SEZ6L: variants seen among roughly 807,000 people sequenced by gnomAD.
SEZ6L encodes seizure related 6 homolog like.
In SEZ6L, 37 loss-of-function variants were observed where a neutral mutation model predicts 106.2. That is an observed-to-expected ratio of 0.35 (90% CI 0.27 to 0.46). The LOEUF (loss-of-function observed/expected upper bound fraction) is 0.46, where lower values mean the gene tolerates loss of function less well. Among genes scored for constraint, SEZ6L ranks in the 20% least tolerant of loss-of-function variants. The pLI, the probability that SEZ6L is intolerant of heterozygous loss-of-function variation, is 1.00. For missense variants in SEZ6L, 1,172 were observed against 1,332.8 expected (o/e 0.88, Z 1.88); for synonymous variants, 541 against 570.4 (o/e 0.95, Z 0.73).
In SEZ6L at chr22:26,292,682, A is replaced by G; in HGVS notation, c.371A>G (p.Gln124Arg). 6.2e-7 allele frequency: 1 copy of G among 1,613,578 alleles called. No homozygotes were observed. Among genetic ancestry groups the G allele is most frequent in the East Asian group, 2.2e-5 (1 of 44,856 alleles). The part of the protein sequence containing the change: ...PPKKKLPSLK[Q>R]VNSARKQLRP... ...AAGAAGAAACTGCCTTCGCTCAAGC[A>G]GGTGAACTCTGCCAGGAAGCAGCTG... is the stretch of plus-strand genomic sequence containing the variant. The change falls in exon 2 of 17, where the codon CAG becomes CGG. Residue 124 changes from glutamine (Q) to arginine (R), a missense_variant. By Grantham distance (43) the Gln-to-Arg change is conservative (BLOSUM62 1). Transcript: ENST00000248933.
intron 5 of SEZ6L, among the ~76,000 whole-genome samples, chr22:26,303,302 T>C (rs1416634369): frequency 1.3e-5 from 2 of 152,242 alleles, no homozygotes; most frequent in Non-Finnish European, 2.9e-5. Context: ...TTATCCACCG[T>C]TCTCTGCTAC....
intron 9 of SEZ6L, among the ~76,000 whole-genome samples, chr22:26,326,801 A>G (rs1054033871): frequency 6.6e-6 from 1 of 152,220 alleles, no homozygotes; most frequent in African/African-American, 2.4e-5. Flanking sequence ...GCAGGAAGCC[A>G]GGCAGGAGGC....
chr22:26,323,015 A>G (rs2082199838), intron 9 of SEZ6L, among the ~76,000 whole-genome samples: 1 of 152,240 alleles, frequency 6.6e-6, no homozygotes, highest in African/African-American at 2.4e-5. Context: ...GCATCGTAGA[A>G]TAGAAGATCC....
At chr22:26,276,146 G>T (rs1238378792) in intron 1 of SEZ6L, among the ~76,000 whole-genome samples, 1 of 152,222 alleles carries the variant, frequency 6.6e-6, no homozygotes, top group Admixed American at 6.5e-5. Context: ...AGAGAGTACA[G>T]TTCCCGCCTC....
chr22:26,266,655 C>T (rs2080201823), intron 1 of SEZ6L, among the ~76,000 whole-genome samples: 1 of 151,726 alleles, frequency 6.6e-6, no homozygotes, highest in Admixed American at 6.6e-5. Flanking sequence ...AACCAAGGCC[C>T]CAGTAAGTGT....
intron 1 of SEZ6L, among the ~76,000 whole-genome samples, chr22:26,247,355 A>G (rs927604349): frequency 1.3e-4 from 20 of 152,202 alleles, no homozygotes; most frequent in Admixed American, 1.3e-3. Flanking sequence ...ATGTCTGCCG[A>G]AAAGCTCAGG....
chr22:26,313,254 C>G (rs1202156455), intron 8 of SEZ6L, among the ~76,000 whole-genome samples: 1 of 152,160 alleles, frequency 6.6e-6, no homozygotes, highest in African/African-American at 2.4e-5. Context: ...TGAGCTTAAG[C>G]CTCAAAATAA....
chr22:26,355,630 C>T (rs560092741), intron 12 of SEZ6L, among the ~76,000 whole-genome samples: 25 of 152,196 alleles, frequency 1.6e-4, no homozygotes, highest in East Asian at 3.9e-4. Flanking sequence ...CTCAGGAGGC[C>T]GAGGCAGGAA....
intron 1 of SEZ6L, among the ~76,000 whole-genome samples, chr22:26,227,294 A>G (rs1192056096): frequency 3.4e-5 from 5 of 145,366 alleles, no homozygotes; most frequent in African/African-American, 1.2e-4. Context: ...AAACTGGATG[A>G]TAACATCCCA....
In SEZ6L at chr22:26,299,069, C is replaced by T. The variant is rs757853966; in HGVS notation, c.1248C>T (p.His416=). 18 of 1,608,640 alleles carry T rather than the reference C, an allele frequency of 1.1e-5. 1 individual carries two copies. The South Asian group carries it at 2.0e-4, about 18-fold the overall frequency. ...VMDLHSGGVA[H]FHCHLGYELQ... is the part of the protein sequence containing the mutation. ...ACCTGCACTCAGGTGGGGTGGCCCA[C>T]TTTCACTGCCACCTGGGCTATGAGC... Residue 416 remains histidine (H), a synonymous_variant, in exon 5 of 17, where the codon CAC becomes CAT. Coordinates refer to ENST00000248933, the MANE Select transcript of SEZ6L (RefSeq NM_021115.5).
chr22:26,376,979 C>A (rs936066595), intron 15 of SEZ6L, among the ~76,000 whole-genome samples: 1 of 151,672 alleles, frequency 6.6e-6, no homozygotes, highest in Non-Finnish European at 1.5e-5. Context: ...GAGAAATCAC[C>A]TTTAAATAGA....
intron 1 of SEZ6L, among the ~76,000 whole-genome samples, chr22:26,190,285 A>C (rs946901815): frequency 6.6e-6 from 1 of 152,192 alleles, no homozygotes; most frequent in Non-Finnish European, 1.5e-5. Context: ...GTAAAGTTAC[A>C]TGAGGTTATT....
intron 1 of SEZ6L, among the ~76,000 whole-genome samples, chr22:26,271,876 G>A (rs1038405794): frequency 1.6e-4 from 24 of 152,158 alleles, no homozygotes; most frequent in African/African-American, 5.6e-4. Context: ...TGTACTATTC[G>A]TAATAATAAC....
rs2146022584 is a variant in SEZ6L, at chr22:26,351,259, T to C, written c.2599+16T>C. ...CACTGCGTTTGTGAGTCCTGTTTAA[T>C]GAATTGGGCCCCCAGTAGGTAGAAG... On this transcript the variant is annotated intron_variant, in intron 12 of 16. Coordinates refer to ENST00000248933, the MANE Select transcript of SEZ6L (RefSeq NM_021115.5). The C allele has an allele frequency of 6.2e-7, 1 of 1,610,724 alleles. No individual in the cohort carries two copies. The highest frequency in any genetic ancestry group is 8.5e-7 in the Non-Finnish European group (1 of 1,177,690).
chr22:26,321,607 A>C (rs562965825), intron 9 of SEZ6L, among the ~76,000 whole-genome samples: 7 of 152,322 alleles, frequency 4.6e-5, no homozygotes, highest in African/African-American at 1.7e-4. Context: ...GCATCTCAAC[A>C]GCCAGGGTTA....
intron 10 of SEZ6L, among the ~76,000 whole-genome samples, chr22:26,341,312 C>G (rs75151479): frequency 0.042 from 6,332 of 152,126 alleles, 424 homozygotes; most frequent in African/African-American, 0.14. Flanking sequence ...TAAGCTCACA[C>G]ACTCCTATGA....
At chr22:26,195,394 C>A (rs1940508964) in intron 1 of SEZ6L, among the ~76,000 whole-genome samples, 1 of 152,112 alleles carries the variant, frequency 6.6e-6, no homozygotes, top group Admixed American at 6.5e-5. Flanking sequence ...TTGGTCTTAC[C>A]AGCACCTGTC....
intron 1 of SEZ6L, among the ~76,000 whole-genome samples, chr22:26,280,542 G>A (rs1189215062): frequency 6.6e-6 from 1 of 152,130 alleles, no homozygotes; most frequent in African/African-American, 2.4e-5. Flanking sequence ...TTAGAAGGAA[G>A]AAGACTTCTT....
rs2082270635 is a variant in SEZ6L at position 26,325,183 on chromosome 22, A to G, written c.2015+11281A>G. ...TCTTGAGCCCACACTAGGAAGTGGC[A>G]CAGCCGCACGTCTGCCATATCCTAT... On this transcript the variant is annotated intron_variant, in intron 9 of 16. Coordinates refer to ENST00000248933, the MANE Select transcript of SEZ6L (RefSeq NM_021115.5). Among the ~76,000 whole-genome samples, 3 of 152,236 alleles carry G rather than the reference A, an allele frequency of 2.0e-5. No homozygotes were observed. The South Asian group carries it at 6.2e-4, about 32-fold the overall frequency.
Sources: gnomAD v4.1 joint callset for allele counts (sites outside exome capture counted in the v4.1 genomes callset) on GRCh38, gnomAD v4.1.1 for gene constraint, MANE v1.5 for transcripts, NCBI Gene and HGNC (gene_info 2026-07-23, HGNC 2026-07-21) for gene names.